CYB5R3: variants seen among roughly 807,000 people sequenced by gnomAD.
The protein encoded by CYB5R3 is NADH-cytochrome b5 reductase 3.
Under a neutral mutation model 36.5 loss-of-function variants are expected in CYB5R3, and 28 were observed. The observed-to-expected ratio is 0.77, with a 90% CI of 0.57 to 1.05. The LOEUF is 1.05. Among genes scored for constraint, CYB5R3 ranks in the 50% least tolerant of loss-of-function variants. The pLI, the probability that CYB5R3 is intolerant of heterozygous loss-of-function variation, is 0.00. For missense variants in CYB5R3, 474 were observed against 408.9 expected (o/e 1.16, Z -1.37); for synonymous variants, 181 against 159.8 (o/e 1.13, Z -1.00).
In CYB5R3 at chr22:42,630,915, A is replaced by G. The variant is rs1928578290; in HGVS notation, c.300T>C (p.Asp100=). The G allele has an allele frequency of 1.2e-6, 2 of 1,614,006 alleles. No individual in the cohort carries two copies. The highest frequency in any genetic ancestry group is 1.7e-6 in the Non-Finnish European group (2 of 1,179,974). The part of the protein sequence containing the change: ...VVRPYTPISS[D]DDKGFVDLVI... ...CCAGGTCCACGAAGCCCTTGTCATC[A>G]TCGCTGGAGATGGGTGTATAGGGCC... The change falls in exon 4 of 9, where the codon GAT becomes GAC. Residue 100 remains aspartate (D), a synonymous_variant. Coordinates refer to ENST00000352397, the MANE Select transcript of CYB5R3 (RefSeq NM_000398.7).
chr22:42,625,599 G>A (rs935784440), intron 7 of CYB5R3, among the ~76,000 whole-genome samples: 1 of 152,118 alleles, frequency 6.6e-6, no homozygotes, highest in African/African-American at 2.4e-5. Context: ...GGTGGCCACC[G>A]CCGCGACCCA....
chr22:42,623,062 C>T (rs567917900), intron 8 of CYB5R3, among the ~76,000 whole-genome samples: 5 of 99,420 alleles, frequency 5.0e-5, no homozygotes, highest in East Asian at 2.0e-4. Flanking sequence ...CCGCAGTTGC[C>T]GCCACTCCCT....
At chr22:42,622,599 C>G (rs148476473) in intron 8 of CYB5R3, among the ~76,000 whole-genome samples, 1 of 152,128 alleles carries the variant, frequency 6.6e-6, no homozygotes, top group African/African-American at 2.4e-5. Context: ...CTGAGAAGGG[C>G]GGCTGCTCCC....
intron 8 of CYB5R3, among the ~76,000 whole-genome samples, chr22:42,621,329 T>C (rs954009879): frequency 6.6e-6 from 1 of 152,156 alleles, no homozygotes; most frequent in Non-Finnish European, 1.5e-5. Context: ...TGTGATCCTC[T>C]TGCCTTAGCT....
chr22:42,645,541 C>A (rs892237652), intron 1 of CYB5R3, among the ~76,000 whole-genome samples: 4 of 152,170 alleles, frequency 2.6e-5, no homozygotes, highest in Non-Finnish European at 4.4e-5. Flanking sequence ...GGGAGTCAAG[C>A]ACTGCTCAGA....
rs547681870 is a variant in CYB5R3 at position 42,630,368 on chromosome 22, TCA to T, written c.333+512_333+513del. 1.9e-4 allele frequency among the ~76,000 whole-genome samples: 29 copies of T among 152,244 alleles called. No homozygotes were observed. The East Asian group carries it at 4.1e-3, about 21-fold the overall frequency. ...AACGGGTAAGAACAGGGCCTGCGTG[TCA>T]CAGAGGCCCGGCCGCTGACCACGGT... On this transcript the variant is annotated intron_variant, in intron 4 of 8. Transcript: ENST00000352397.
chr22:42,635,146 T>C (rs1289915598), intron 2 of CYB5R3, among the ~76,000 whole-genome samples: 2 of 152,100 alleles, frequency 1.3e-5, no homozygotes, highest in Non-Finnish European at 2.9e-5. Flanking sequence ...ATTTTTTGTA[T>C]TTTTAGTAGA....
chr22:42,620,622 G>A (rs1927913089), intron 8 of CYB5R3, among the ~76,000 whole-genome samples: 1 of 152,204 alleles, frequency 6.6e-6, no homozygotes, highest in African/African-American at 2.4e-5. Context: ...CCTCAGGCCA[G>A]GAGGGCTGGC....
chr22:42,641,314 C>CT (rs200924967), intron 1 of CYB5R3, among the ~76,000 whole-genome samples: 89 of 148,620 alleles, frequency 6.0e-4, no homozygotes, highest in Non-Finnish European at 7.6e-4. Context: ...CATGGATTTT[C>CT]TTTTTTTTTT....
intron 2 of CYB5R3, among the ~76,000 whole-genome samples, chr22:42,633,908 C>T (rs531504591): frequency 1.3e-5 from 2 of 152,172 alleles, no homozygotes; most frequent in South Asian, 2.1e-4. Flanking sequence ...GGTGACAGAG[C>T]GAGACCTTGT....
chr22:42,642,718 G>A (rs879832767), intron 1 of CYB5R3, among the ~76,000 whole-genome samples: 144 of 152,360 alleles, frequency 9.5e-4, no homozygotes, highest in African/African-American at 3.1e-3. Context: ...GATTACAGGC[G>A]TGAGCCACCT....
At chr22:42,621,716 G>A (rs1388332204) in intron 8 of CYB5R3, among the ~76,000 whole-genome samples, 3 of 152,348 alleles carry the variant, frequency 2.0e-5, no homozygotes, top group Non-Finnish European at 2.9e-5. Flanking sequence ...GTCAGCACTG[G>A]CCCCTCCCTG....
At chr22:42,640,849 G>A (rs868626646) in intron 1 of CYB5R3, among the ~76,000 whole-genome samples, 2 of 151,874 alleles carry the variant, frequency 1.3e-5, no homozygotes, top group African/African-American at 4.8e-5. Flanking sequence ...TCTTCCTTAT[G>A]ATTTTTTTTT....
rs1327417525 is a variant in CYB5R3 at position 42,641,925 on chromosome 22, A to G, written c.22-5079T>C. 3.9e-5 allele frequency among the ~76,000 whole-genome samples: 6 copies of G among 152,272 alleles called. No individual in the cohort carries two copies. The East Asian group carries it at 1.2e-3, about 29-fold the overall frequency. The stretch of plus-strand genomic sequence containing the variant: ...AGGCATGAGCCACTGCACCCAGCCT[A>G]TACGTGGACTGTCAACTATACAGGT... On this transcript the variant is annotated intron_variant, in intron 1 of 8. Transcript: ENST00000352397.
At chr22:42,631,725 G>C (rs1021533418) in intron 2 of CYB5R3, 1 of 540,740 alleles carries the variant, frequency 1.8e-6, no homozygotes, top group African/African-American at 1.9e-5. Context: ...AATGAACCCA[G>C]GGTCCCAAAG....
At chr22:42,625,647 T>C (rs1300551960) in intron 7 of CYB5R3, among the ~76,000 whole-genome samples, 1 of 151,968 alleles carries the variant, frequency 6.6e-6, no homozygotes, top group Non-Finnish European at 1.5e-5. Flanking sequence ...CTTGGGGGGC[T>C]GCTACTCGAG....
chr22:42,627,258 C>G (rs753315101), intron 7 of CYB5R3, 46 bp downstream of exon 7: 2 of 1,547,826 alleles, frequency 1.3e-6, no homozygotes, highest in Non-Finnish European at 1.8e-6. Context: ...CCGAAGTCCC[C>G]TCTCAGGGTA....
At position 42,623,207 on chromosome 22, in the gene CYB5R3, C is replaced by T. The variant is rs1323303578; in HGVS notation, c.733+582G>A. Among the ~76,000 whole-genome samples, 7 of 152,198 alleles carry T rather than the reference C, an allele frequency of 4.6e-5. No homozygotes were observed. The East Asian group carries it at 7.7e-4, about 17-fold the overall frequency. On this transcript the variant is annotated intron_variant, in intron 8 of 8. Transcript: ENST00000352397. ...CTATCTGAAGCCGAAAAGGGAAGGG[C>T]GCTTTAACTCCCAGAGGCAACCTCA...
In CYB5R3 at chr22:42,627,590, G is replaced by C. The variant is rs770456347; in HGVS notation, c.547+15C>G. On this transcript the variant is annotated intron_variant, in intron 6 of 8. Transcript: ENST00000352397. ...ACATGAGCCGCCGGACGCCTCAGTGGGGGGTTCCGTGTACCTGTCCCTCCC... is the reference window on the plus strand; with the variant it reads ...ACATGAGCCGCCGGACGCCTCAGTGCGGGGTTCCGTGTACCTGTCCCTCCC... 1 of 1,610,780 alleles carries C rather than the reference G, an allele frequency of 6.2e-7. No homozygotes were observed. Among genetic ancestry groups the C allele is most frequent in the East Asian group, 2.2e-5 (1 of 44,870 alleles).
Sources: gnomAD v4.1 joint callset for allele counts (sites outside exome capture counted in the v4.1 genomes callset) on GRCh38, gnomAD v4.1.1 for gene constraint, MANE v1.5 for transcripts, NCBI Gene and HGNC (gene_info 2026-07-23, HGNC 2026-07-21) for gene names.